Variants in CHERP observed in about 807,000 individuals in gnomAD.
The protein encoded by CHERP is calcium homeostasis endoplasmic reticulum protein, also known as ERPROT 213-21.
A neutral mutation model predicts 113.8 loss-of-function variants in CHERP; 8 were observed. The ratio of observed to expected loss-of-function variants is 0.07; its 90% CI spans 0.04 to 0.13. The LOEUF (loss-of-function observed/expected upper bound fraction) is 0.13. Ranked by LOEUF, CHERP falls within the 10% of genes least tolerant of loss-of-function variation. The probability of loss-of-function intolerance (pLI) is 1.00; values close to 1 mark genes in which losing one functional copy is unlikely to be tolerated. For missense variants in CHERP, 884 were observed against 1,298.2 expected (o/e 0.68, Z 4.90); for synonymous variants, 559 against 524.5 (o/e 1.07, Z -0.90).
At chr19:16,529,543 A>C in intron 8 of CHERP, 105 bp downstream of exon 8, 1 of 1,373,854 alleles carries the variant, frequency 7.3e-7, no homozygotes, top group Non-Finnish European at 9.8e-7. Flanking sequence ...GGACGAGGGA[A>C]CAAGAACTGA....
chr19:16,535,736 G>A lies in CHERP; in HGVS notation c.200-100C>T. Reference sequence around the variant, plus strand: ...CCACAGGGGCCTCCCCCTCCCCAGGGACTCACCATCCACGAGGGCCTGTTC... The same window carrying A: ...CCACAGGGGCCTCCCCCTCCCCAGGAACTCACCATCCACGAGGGCCTGTTC... On this transcript the variant is annotated intron_variant, in intron 2 of 16. Transcript: ENST00000546361. The surrounding 1 kb of genome is among the most constrained non-coding windows in gnomAD (Gnocchi z 4.3). 8.5e-7 allele frequency: 1 copy of A among 1,176,998 alleles called. No individual in the cohort carries two copies. Among genetic ancestry groups the A allele is most frequent in the South Asian group, 1.6e-5 (1 of 62,690 alleles). The allele number at this position is 1,176,998 out of a possible 1,614,324, so 72.9% of individuals were successfully genotyped here.
intron 9 of CHERP, chr19:16,526,273 T>G (rs1224041701): frequency 1.3e-5 from 2 of 152,450 alleles, no homozygotes; most frequent in African/African-American, 4.8e-5. Flanking sequence ...CTCTGGAGAC[T>G]TAAAGCCAGG....
rs577094810 is a variant in CHERP, at chr19:16,524,895, A to AT, written c.1741+346dup. Among the ~76,000 whole-genome samples, 70 of 151,976 alleles carry AT rather than the reference A, an allele frequency of 4.6e-4. 1 individual carries two copies. Among genetic ancestry groups the AT allele is most frequent in the African/African-American group, 1.4e-3 (59 of 41,446 alleles). ...GCGCCCGACACCACGCCAAGTATTG[A>AT]TTTTTTAAACGAACTAATACAACGG... On this transcript the variant is annotated intron_variant, in intron 10 of 16. Transcript: ENST00000546361.
chr19:16,518,584 G>T lies in CHERP; in HGVS notation c.*575C>A, dbSNP rs2085571432. ...TCTTTCTAGACCTAAACCAAGGAGA[G>T]TAAAAATGAAAACCCTGCTTCACTT... On this transcript the variant is annotated 3_prime_UTR_variant, in exon 17 of 17. Transcript: ENST00000546361. The T allele has an allele frequency of 6.5e-6, 1 of 153,506 alleles. No homozygotes were observed. The highest frequency in any genetic ancestry group is 2.0e-4 in the South Asian group (1 of 4,912). 9.5% of individuals were successfully genotyped at this position (153,506 alleles called of 1,614,324 possible).
intron 3 of CHERP, among the ~76,000 whole-genome samples, chr19:16,533,592 A>G (rs2085721553): frequency 6.6e-6 from 1 of 152,128 alleles, no homozygotes; most frequent in Non-Finnish European, 1.5e-5. Flanking sequence ...CCTCATCTCT[A>G]CAAAAAATAA....
chr19:16,524,866 A>G (rs2085645999), intron 10 of CHERP, among the ~76,000 whole-genome samples: 1 of 151,934 alleles, frequency 6.6e-6, no homozygotes, highest in South Asian at 2.1e-4. Context: ...AGCTAGGACC[A>G]TAGGCGCCCG....
Position 16,532,924 on chromosome 19 carries a change from A to G in CHERP, c.522+87T>C. On this transcript the variant is annotated intron_variant, in intron 4 of 16. Coordinates refer to ENST00000546361, the MANE Select transcript of CHERP (RefSeq NM_006387.6). This position sits in a 1 kb window ranked among gnomAD's most constrained non-coding sequence, Gnocchi z 4.4. ...GGGAGGGAAGGGCACCCATTGTAACAGCCCTTAGCCCAGATTGGCTACGAC... is the reference window on the plus strand; with the variant it reads ...GGGAGGGAAGGGCACCCATTGTAACGGCCCTTAGCCCAGATTGGCTACGAC... The G allele has an allele frequency of 6.6e-7, 1 of 1,521,676 alleles. No homozygotes were observed. The highest frequency in any genetic ancestry group is 1.2e-5 in the South Asian group (1 of 81,066). The allele number at this position is 1,521,676 out of a possible 1,614,324, so 94.3% of individuals were successfully genotyped here. A position where few individuals can be genotyped will look rare whatever the true frequency, so the allele number is the denominator to read the frequency against.
At position 16,520,472 on chromosome 19, in the gene CHERP, C is replaced by T. The variant is rs905493025; in HGVS notation, c.2237G>A (p.Arg746Gln). 29 of 1,613,900 alleles carry T rather than the reference C, an allele frequency of 1.8e-5. No homozygotes were observed. The highest frequency in any genetic ancestry group is 2.2e-5 in the South Asian group (2 of 91,070). Reference protein sequence around the residue: ...PSRSRSRSKSRGRSSSRSNSR... With the variant: ...PSRSRSRSKSQGRSSSRSNSR... ...GTTGGAGCGGGAGGAAGAACGCCCTCGACTCTTGGATCTGCTCCGAGACCT... is the reference window on the plus strand; with the variant it reads ...GTTGGAGCGGGAGGAAGAACGCCCTTGACTCTTGGATCTGCTCCGAGACCT... The change falls in exon 14 of 17, where the codon CGA becomes CAA. Residue 746 changes from arginine to glutamine, a missense_variant. Transcript: ENST00000546361. The surrounding 1 kb of genome is among the most constrained non-coding windows in gnomAD (Gnocchi z 4.0).
intron 9 of CHERP, among the ~76,000 whole-genome samples, chr19:16,527,695 T>A (rs2085665808): frequency 6.6e-6 from 1 of 152,194 alleles, no homozygotes; most frequent in East Asian, 1.9e-4. Flanking sequence ...CATTCCCCCT[T>A]TCCTTACAAA....
At chr19:16,540,442 G>C (rs1339518205) in intron 2 of CHERP, among the ~76,000 whole-genome samples, 1 of 148,320 alleles carries the variant, frequency 6.7e-6, no homozygotes, top group South Asian at 2.1e-4. Context: ...GTGTGGTCTC[G>C]GCTCAATGCA....
chr19:16,527,285 C>T (rs1474711222), intron 9 of CHERP, among the ~76,000 whole-genome samples: 1 of 152,196 alleles, frequency 6.6e-6, no homozygotes, highest in African/African-American at 2.4e-5. Context: ...GGCTCCTGGC[C>T]AGCACTTGGA....
Position 16,519,186 on chromosome 19 carries a change from G to A in CHERP, c.2724C>T (p.Arg908=). Residue 908 remains arginine (R), a synonymous_variant, in exon 17 of 17, where the codon CGC becomes CGT. Transcript: ENST00000546361. The surrounding 1 kb of genome is among the most constrained non-coding windows in gnomAD (Gnocchi z 6.0). ...RRNKSYSFIA[R]MKARDECK ...ACTTACACTCGTCCCTGGCCTTCAT[G>A]CGGGCGATGAAGGAGTAGCTCTTGT... The A allele has an allele frequency of 6.2e-7, 1 of 1,613,880 alleles. No homozygotes were observed. Among genetic ancestry groups the A allele is most frequent in the Non-Finnish European group, 8.5e-7 (1 of 1,179,990 alleles).
chr19:16,520,520 G>A lies in CHERP; in HGVS notation c.2202-13C>T, dbSNP rs2085601794. On this transcript the variant is annotated splice_polypyrimidine_tract_variant and intron_variant, in intron 13 of 16. Coordinates refer to ENST00000546361, the MANE Select transcript of CHERP (RefSeq NM_006387.6). The surrounding 1 kb of genome is among the most constrained non-coding windows in gnomAD (Gnocchi z 4.0). The stretch of plus-strand genomic sequence containing the variant: ...CCTCGAGGGTCCGCTGTGGGGAGAG[G>A]CCTGATGATCAGGTGCCCCAGTGGA... 6.2e-7 allele frequency: 1 copy of A among 1,606,808 alleles called. No homozygotes were observed. Among genetic ancestry groups the A allele is most frequent in the South Asian group, 1.1e-5 (1 of 89,960 alleles).
chr19:16,521,955 T>C (rs1032867841), intron 11 of CHERP, among the ~76,000 whole-genome samples: 1 of 152,244 alleles, frequency 6.6e-6, no homozygotes, highest in African/African-American at 2.4e-5. Flanking sequence ...CTCTGGTTTA[T>C]TCAGACATGC....
intron 10 of CHERP, among the ~76,000 whole-genome samples, chr19:16,524,488 G>A (rs921013360): frequency 2.0e-5 from 3 of 151,690 alleles, no homozygotes; most frequent in African/African-American, 4.8e-5. Context: ...TCTGGGAGGC[G>A]GAGGTTGCAG....
chr19:16,527,725 G>A (rs2085665941), intron 9 of CHERP, among the ~76,000 whole-genome samples: 1 of 152,162 alleles, frequency 6.6e-6, no homozygotes, highest in Admixed American at 6.5e-5. Flanking sequence ...TTCTTTCCAG[G>A]ATGACAAAAC....
intron 3 of CHERP, among the ~76,000 whole-genome samples, chr19:16,534,177 C>T (rs12462714): frequency 0.082 from 12,396 of 152,028 alleles, 586 homozygotes; most frequent in Admixed American, 0.11. Flanking sequence ...CAGTCTCCCG[C>T]GTAGCTGGGA....
rs200431428 is a variant in CHERP at position 16,523,037 on chromosome 19, A to G, written c.1980+15T>C. 1.8e-5 allele frequency: 27 copies of G among 1,502,192 alleles called. No homozygotes were observed. In the East Asian group the frequency reaches 6.9e-4, roughly 38 times the overall value. 93.1% of individuals were successfully genotyped at this position (1,502,192 alleles called of 1,614,324 possible). A position where few individuals can be genotyped will look rare whatever the true frequency, so the allele number is the denominator to read the frequency against. On this transcript the variant is annotated intron_variant, in intron 11 of 16. Transcript: ENST00000546361. This position sits in a 1 kb window ranked among gnomAD's most constrained non-coding sequence, Gnocchi z 4.0. ...GGTAAGCGTGCTCAGCTTGGAGCCC[A>G]CTGTGGGGCATTACCTTCACGAGGG...
In CHERP at chr19:16,518,675, C is replaced by G. The variant is rs868618393; in HGVS notation, c.*484G>C. 1 of 157,126 alleles carries G rather than the reference C, an allele frequency of 6.4e-6. No individual in the cohort carries two copies. The highest frequency in any genetic ancestry group is 1.4e-5 in the Non-Finnish European group (1 of 71,760). 9.7% of individuals were successfully genotyped at this position (157,126 alleles called of 1,614,324 possible). A position where few individuals can be genotyped will look rare whatever the true frequency, so the allele number is the denominator to read the frequency against. On this transcript the variant is annotated 3_prime_UTR_variant, in exon 17 of 17. Transcript: ENST00000546361. ...CGCGGGCAGTCATGGCACTGGGCTT[C>G]GGCTTTGTCCCTACACAGCCGAGGG... is the stretch of plus-strand genomic sequence containing the variant.
Sources: allele counts gnomAD v4.1 joint callset (sites outside exome capture counted in the v4.1 genomes callset), GRCh38; gene constraint gnomAD v4.1.1; non-coding constraint Gnocchi (gnomAD v3.1); transcripts MANE v1.5; gene names NCBI Gene and HGNC (gene_info 2026-07-23, HGNC 2026-07-21).